The following GALNT14 variants were observed in gnomAD, a reference collection of about 807,000 sequenced individuals.
GALNT14 encodes polypeptide N-acetylgalactosaminyltransferase 14.
Under a neutral mutation model 77.5 loss-of-function variants are expected in GALNT14, and 60 were observed. The observed-to-expected ratio is 0.77, with a 90% CI of 0.63 to 0.96. The LOEUF (loss-of-function observed/expected upper bound fraction) is 0.96, where lower values mean the gene tolerates loss of function less well. Among genes scored for constraint, GALNT14 ranks in the 40% least tolerant of loss-of-function variants. The probability of loss-of-function intolerance (pLI) is 0.00; values close to 1 mark genes in which losing one functional copy is unlikely to be tolerated. For missense variants in GALNT14, 710 were observed against 731.0 expected (o/e 0.97, Z 0.33); for synonymous variants, 280 against 281.7 (o/e 0.99, Z 0.06).
chr2:31,108,595 T>C (rs548740113), intron 1 of GALNT14, among the ~76,000 whole-genome samples: 6 of 152,376 alleles, frequency 3.9e-5, no homozygotes, highest in African/African-American at 1.4e-4. Flanking sequence ...GGTTGGAGCA[T>C]TGGGCATTCG....
At chr2:31,038,286 G>A (rs1672888619) in intron 1 of GALNT14, among the ~76,000 whole-genome samples, 1 of 151,044 alleles carries the variant, frequency 6.6e-6, no homozygotes, top group South Asian at 2.1e-4. Flanking sequence ...TAGAGACAGG[G>A]TTTCGCAATG....
At chr2:30,998,075 T>C (rs1670149810) in intron 1 of GALNT14, among the ~76,000 whole-genome samples, 1 of 152,198 alleles carries the variant, frequency 6.6e-6, no homozygotes, top group African/African-American at 2.4e-5. Context: ...CATGGATGGA[T>C]ATTATGCTAA....
At chr2:31,075,868 A>G (rs4337517) in intron 1 of GALNT14, among the ~76,000 whole-genome samples, 80,653 of 152,060 alleles carry the variant, frequency 0.53, 22,114 homozygotes, top group African/African-American at 0.67. Context: ...TGAGTTAGGG[A>G]AAGAAATCTC....
intron 1 of GALNT14, among the ~76,000 whole-genome samples, chr2:31,087,536 A>AG (rs1160670621): frequency 3.3e-5 from 5 of 150,394 alleles, no homozygotes; most frequent in Non-Finnish European, 4.5e-5. Flanking sequence ...CGAGGAGAGG[A>AG]AGACCTCTAG....
At chr2:31,037,317 G>A (rs1176311877) in intron 1 of GALNT14, among the ~76,000 whole-genome samples, 2 of 152,154 alleles carry the variant, frequency 1.3e-5, no homozygotes, top group Admixed American at 1.3e-4. Context: ...ACTCCAGAAT[G>A]TCTATTTAGT....
rs145155371 is a variant in GALNT14, at chr2:31,058,587, C to T, written c.130-65580G>A. 1.3e-3 allele frequency among the ~76,000 whole-genome samples: 196 copies of T among 152,244 alleles called. 4 individuals are homozygous for T. In the South Asian group the frequency reaches 0.02, roughly 16 times the overall value. The stretch of plus-strand genomic sequence containing the variant: ...CACTCCCCAGAAGAAGAAAGGAAGA[C>T]GTCAGGTTGACCTCAGGAGAGAGAG... On this transcript the variant is annotated intron_variant, in intron 1 of 14. Transcript: ENST00000349752.
intron 6 of GALNT14, 85 bp from the exon 7 acceptor site, chr2:30,945,955 G>T (rs1408175531): frequency 9.2e-7 from 1 of 1,086,760 alleles, no homozygotes; most frequent in Non-Finnish European, 1.4e-6. Flanking sequence ...GTGAGGGTAG[G>T]GCCAGAGATG....
intron 1 of GALNT14, among the ~76,000 whole-genome samples, chr2:31,093,573 G>T (rs1676863274): frequency 6.6e-6 from 1 of 152,136 alleles, no homozygotes; most frequent in South Asian, 2.1e-4. Flanking sequence ...CAGACCACAG[G>T]CATGGCATGT....
At chr2:30,904,163 T>C in the GALNT14 span, among the ~76,000 whole-genome samples, 1 of 152,182 alleles carries the variant, frequency 6.6e-6, no homozygotes, top group Non-Finnish European at 1.5e-5. Context: ...CCCCAGAATA[T>C]GGCAGGTGTG....
At chr2:31,005,723 T>C (rs1470090353) in intron 1 of GALNT14, among the ~76,000 whole-genome samples, 1 of 152,156 alleles carries the variant, frequency 6.6e-6, no homozygotes, top group African/African-American at 2.4e-5. Flanking sequence ...TCTGTGAGAA[T>C]TGGTCATTAT....
At chr2:31,060,863 A>T (rs1366049548) in intron 1 of GALNT14, among the ~76,000 whole-genome samples, 1 of 152,130 alleles carries the variant, frequency 6.6e-6, no homozygotes, top group Non-Finnish European at 1.5e-5. Context: ...TTTCTAGGGA[A>T]GCCCCAGGAC....
chr2:30,897,467 C>T, the GALNT14 span, among the ~76,000 whole-genome samples: 1 of 152,174 alleles, frequency 6.6e-6, no homozygotes, highest in Non-Finnish European at 1.5e-5. Flanking sequence ...AATTCAGGCG[C>T]GAGAGCTGAA....
intron 2 of GALNT14, among the ~76,000 whole-genome samples, chr2:30,973,221 C>T (rs75874194): frequency 0.019 from 2,947 of 152,276 alleles, 38 homozygotes; most frequent in East Asian, 0.055. Flanking sequence ...TCTATGGATC[C>T]CAGGTGCAGG....
At chr2:30,987,725 TCCTCCC>T (rs1669397391) in intron 2 of GALNT14, among the ~76,000 whole-genome samples, 1 of 60,336 alleles carries the variant, frequency 1.7e-5, no homozygotes, top group Non-Finnish European at 3.9e-5. Flanking sequence ...CTCCTCCCCC[TCCTCCC>T]CCTCCTCCCC....
Position 30,912,522 on chromosome 2 carries a change from C to T in GALNT14, c.1381-180G>A, listed in dbSNP as rs150594800. Among the ~76,000 whole-genome samples the T allele has an allele frequency of 1.5e-3, 234 of 152,308 alleles. No individual in the cohort carries two copies. In the Middle Eastern group the frequency reaches 0.02, roughly 13 times the overall value. On this transcript the variant is annotated intron_variant, in intron 13 of 14. Transcript: ENST00000349752. ...ACTCAAGTGCCAGAGACTCGGAGGT[C>T]ATATCTCCATGGAAATCTCCATCCA...
chr2:31,132,245 C>T (rs542672763), intron 1 of GALNT14, among the ~76,000 whole-genome samples: 139 of 152,278 alleles, frequency 9.1e-4, no homozygotes, highest in African/African-American at 3.0e-3. Context: ...AAATGACCCA[C>T]GGTGAATTTC....
intron 1 of GALNT14, among the ~76,000 whole-genome samples, chr2:31,008,525 C>A (rs1158874866): frequency 1.3e-5 from 2 of 151,986 alleles, no homozygotes; most frequent in African/African-American, 2.4e-5. Flanking sequence ...CTAAATGGCT[C>A]CCCCCAGCCT....
intron 11 of GALNT14, among the ~76,000 whole-genome samples, chr2:30,928,804 T>C (rs930860708): frequency 6.6e-5 from 10 of 151,808 alleles, no homozygotes; most frequent in African/African-American, 2.4e-4. Flanking sequence ...TTTAGTAGAG[T>C]TGGGGTTTCA....
chr2:31,129,702 C>T, intron 1 of GALNT14: 1 of 960,732 alleles, frequency 1.0e-6, no homozygotes. Flanking sequence ...TTGATTGGAC[C>T]AGTCTCTATG....
Sources: allele counts gnomAD v4.1 joint callset (sites outside exome capture counted in the v4.1 genomes callset), GRCh38; gene constraint gnomAD v4.1.1; transcripts MANE v1.5; gene names NCBI Gene and HGNC (gene_info 2026-07-23, HGNC 2026-07-21).